Variants in SGMS1 observed in about 807,000 individuals in gnomAD.
SGMS1 encodes the protein sphingomyelin synthase 1.
SGMS1 carries 13 observed loss-of-function variants against 46.2 expected under a neutral mutation model. The observed-to-expected ratio is 0.28, with a 90% CI of 0.18 to 0.45. The LOEUF is 0.45. SGMS1 is among the 20% of genes least tolerant of loss of function. The pLI is 1.00. For missense variants in SGMS1, 324 were observed against 519.9 expected, an observed-to-expected ratio of 0.62 and a Z score of 3.66; for synonymous variants, 203 against 187.8, an observed-to-expected ratio of 1.08 and a Z score of -0.66.
intron 5 of SGMS1, among the ~76,000 whole-genome samples, chr10:50,445,971 G>A (rs192660311): frequency 4.6e-5 from 7 of 152,238 alleles, no homozygotes; most frequent in Admixed American, 4.6e-4. Flanking sequence ...TGTCTTTTAC[G>A]ATTGTAGATA....
At chr10:50,380,822 A>G (rs1033677369) in intron 6 of SGMS1, among the ~76,000 whole-genome samples, 1 of 152,120 alleles carries the variant, frequency 6.6e-6, no homozygotes, top group Admixed American at 6.6e-5. Flanking sequence ...CTGTGAAAAC[A>G]GGTATTTGAT....
intron 6 of SGMS1, among the ~76,000 whole-genome samples, chr10:50,344,899 T>C (rs1421865597): frequency 2.6e-5 from 4 of 151,954 alleles, no homozygotes; most frequent in Admixed American, 6.5e-5. Flanking sequence ...TAATTTCCAA[T>C]GGTCTATTTT....
Position 50,327,292 on chromosome 10 carries a change from T to C in SGMS1, c.654A>G (p.Ile218Met). 6.2e-7 allele frequency: 1 copy of C among 1,609,138 alleles called. No individual in the cohort carries two copies. The highest frequency in any genetic ancestry group is 2.2e-5 in the East Asian group (1 of 44,796). The stretch of plus-strand genomic sequence containing the variant: ...ACCGATACAGGTACAGCGTGCCAAC[T>C]ATGCAGAAAAATCTTCTGCTAATAA... ...KSIISRRFFC[I>M]VGTLYLYRCI... is the part of the protein sequence containing the mutation. Residue 218 changes from isoleucine to methionine, a missense_variant, in exon 8 of 11, where the codon ATA becomes ATG. Coordinates refer to ENST00000361781, the MANE Select transcript of SGMS1 (RefSeq NM_147156.4).
chr10:50,585,833 G>C (rs76714321), intron 2 of SGMS1, among the ~76,000 whole-genome samples: 3,230 of 152,312 alleles, frequency 0.021, 48 homozygotes, highest in Middle Eastern at 0.062. Flanking sequence ...TAGACACTCT[G>C]TAAATACGTG....
At chr10:50,308,656 A>G (rs1202954001) in intron 9 of SGMS1, among the ~76,000 whole-genome samples, 1 of 152,120 alleles carries the variant, frequency 6.6e-6, no homozygotes, top group East Asian at 1.9e-4. Flanking sequence ...ATACAAGCAG[A>G]AAAGCATCCA....
intron 2 of SGMS1, among the ~76,000 whole-genome samples, chr10:50,575,122 T>C (rs934542630): frequency 1.3e-5 from 2 of 150,896 alleles, no homozygotes; most frequent in African/African-American, 4.9e-5. Context: ...GGAACGGGGG[T>C]GGATATGGGC....
At chr10:50,588,200 C>A (rs1252352840) in intron 2 of SGMS1, among the ~76,000 whole-genome samples, 1 of 152,184 alleles carries the variant, frequency 6.6e-6, no homozygotes, top group Non-Finnish European at 1.5e-5. Context: ...TTTGAAGAAC[C>A]TTTACTGCTA....
rs79109593 is a variant in SGMS1, at chr10:50,402,349, A to G, written c.-232+31127T>C. 2.5e-4 allele frequency among the ~76,000 whole-genome samples: 38 copies of G among 152,314 alleles called. No homozygotes were observed. The East Asian group carries it at 6.8e-3, about 27-fold the overall frequency. On this transcript the variant is annotated intron_variant, in intron 6 of 10. Transcript: ENST00000361781. ...CTATTGTTGGCTTTTATTTCAGTAA[A>G]TTCAAATTAATGGAGTCAATTGCCT...
chr10:50,322,244 T>C (rs1003020474), intron 8 of SGMS1, among the ~76,000 whole-genome samples: 3 of 152,180 alleles, frequency 2.0e-5, no homozygotes, highest in Non-Finnish European at 2.9e-5. Flanking sequence ...TCTCAAAGGT[T>C]TTCAAATCTA....
At chr10:50,535,479 C>T (rs1281719361) in intron 2 of SGMS1, among the ~76,000 whole-genome samples, 1 of 151,950 alleles carries the variant, frequency 6.6e-6, no homozygotes, top group Non-Finnish European at 1.5e-5. Context: ...GATTCTCCTG[C>T]CTCAGCTTCT....
intron 3 of SGMS1, among the ~76,000 whole-genome samples, chr10:50,486,486 A>G (rs1475424340): frequency 6.6e-6 from 1 of 152,226 alleles, no homozygotes; most frequent in Non-Finnish European, 1.5e-5. Context: ...AAATGACCCC[A>G]TTAAAAAGTA....
chr10:50,614,907 C>T (rs761607870), intron 1 of SGMS1, among the ~76,000 whole-genome samples: 1 of 152,242 alleles, frequency 6.6e-6, no homozygotes, highest in Admixed American at 6.5e-5. Flanking sequence ...GGTATGATGA[C>T]AATATCCATT....
At position 50,343,954 on chromosome 10, in the gene SGMS1, G is replaced by C; in HGVS notation, c.161C>G (p.Ser54Cys). ...GTCCAGGAGCCGCTGCCCATTGTCA[G>C]AGGAGACTCGGCACAAGGGGGGTTT... ...FKKPPLCRVS[S>C]DNGQRLLDMI... Residue 54 changes from serine (S) to cysteine (C), a missense_variant, in exon 7 of 11, where the codon TCT becomes TGT. Coordinates refer to ENST00000361781, the MANE Select transcript of SGMS1 (RefSeq NM_147156.4). The C allele has an allele frequency of 1.2e-6, 2 of 1,614,154 alleles. No homozygotes were observed. The highest frequency in any genetic ancestry group is 8.5e-7 in the Non-Finnish European group (1 of 1,180,034).
chr10:50,389,431 T>C (rs531548205), intron 6 of SGMS1, among the ~76,000 whole-genome samples: 2 of 152,336 alleles, frequency 1.3e-5, no homozygotes, highest in African/African-American at 2.4e-5. Context: ...GGAGGTCAAG[T>C]ACCCAATGTG....
intron 6 of SGMS1, among the ~76,000 whole-genome samples, chr10:50,422,982 A>G (rs550599753): frequency 6.6e-6 from 1 of 152,358 alleles, no homozygotes; most frequent in African/African-American, 2.4e-5. Flanking sequence ...CTGTCCTGCT[A>G]TGCAACTAAA....
At chr10:50,324,342 C>T (rs911311288) in intron 8 of SGMS1, among the ~76,000 whole-genome samples, 5 of 152,120 alleles carry the variant, frequency 3.3e-5, no homozygotes, top group Non-Finnish European at 7.3e-5. Flanking sequence ...CAATTAAGTT[C>T]CCTCTCTGTA....
At chr10:50,347,671 G>A (rs540429143) in intron 6 of SGMS1, among the ~76,000 whole-genome samples, 74 of 152,212 alleles carry the variant, frequency 4.9e-4, no homozygotes, top group African/African-American at 1.7e-3. Flanking sequence ...AGGCCCAAGG[G>A]AGATGAACAC....
At chr10:50,370,320 C>T (rs975181072) in intron 6 of SGMS1, among the ~76,000 whole-genome samples, 35 of 152,142 alleles carry the variant, frequency 2.3e-4, no homozygotes, top group African/African-American at 8.2e-4. Flanking sequence ...TTTGTAATAA[C>T]ACTTAGCTTA....
At chr10:50,513,626 AT>A (rs1332250742) in intron 3 of SGMS1, among the ~76,000 whole-genome samples, 2 of 152,190 alleles carry the variant, frequency 1.3e-5, no homozygotes, top group African/African-American at 4.8e-5. Flanking sequence ...AGCTATTACA[AT>A]AATGTATCTA....
Sources: gnomAD v4.1 joint callset for allele counts (sites outside exome capture counted in the v4.1 genomes callset) on GRCh38, gnomAD v4.1.1 for gene constraint, MANE v1.5 for transcripts, NCBI Gene and HGNC (gene_info 2026-07-23, HGNC 2026-07-21) for gene names.